Variants in PCDHGB1 observed in about 807,000 individuals in gnomAD.
PCDHGB1 encodes the protein protocadherin gamma subfamily B, 1.
A neutral mutation model predicts 56.6 loss-of-function variants in PCDHGB1; 34 were observed. That is an observed-to-expected ratio of 0.60 (90% confidence interval 0.46 to 0.80). PCDHGB1 has a LOEUF of 0.80. Ranked by LOEUF, PCDHGB1 falls within the 30% of genes least tolerant of loss-of-function variation. The pLI is 0.00. For missense variants in PCDHGB1, 1,278 were observed against 1,204.6 expected (o/e 1.06, Z -0.90); for synonymous variants, 561 against 505.9 (o/e 1.11, Z -1.46).
intron 1 of PCDHGB1, chr5:141,395,539 TG>T: frequency 9.6e-6 from 2 of 208,432 alleles, no homozygotes; most frequent in Non-Finnish European, 1.6e-5. Flanking sequence ...ATTTTGCTAT[TG>T]TTTGTGTGTG....
chr5:141,492,064 C>T (rs1562152072), intron 1 of PCDHGB1: 3 of 484,366 alleles, frequency 6.2e-6, no homozygotes, highest in Non-Finnish European at 1.1e-5. Context: ...AGCCAGCCTC[C>T]TAGGCGCCGG....
At chr5:141,384,536 T>C (rs751421323) in intron 1 of PCDHGB1, 1 of 1,614,204 alleles carries the variant, frequency 6.2e-7, no homozygotes, top group Non-Finnish European at 8.5e-7. Flanking sequence ...AGCAGCAACA[T>C]GTCACTGAGC....
intron 1 of PCDHGB1, chr5:141,418,786 TGAA>T: frequency 1.2e-6 from 2 of 1,613,854 alleles, no homozygotes; most frequent in Non-Finnish European, 8.5e-7. Flanking sequence ...CTTTGGATTT[TGAA>T]GAAGTAGAAA....
chr5:141,361,468 G>A (rs781508901), intron 1 of PCDHGB1: 5 of 1,614,008 alleles, frequency 3.1e-6, no homozygotes, highest in East Asian at 2.2e-5. Context: ...CATCTCCGAC[G>A]TCAACGATAA....
At chr5:141,364,613 C>A in intron 1 of PCDHGB1, 1 of 1,614,170 alleles carries the variant, frequency 6.2e-7, no homozygotes, top group Admixed American at 1.7e-5. Context: ...CCGGGAGGAG[C>A]TCTGCGCTCA....
chr5:141,413,684 C>T, intron 1 of PCDHGB1: 1 of 1,613,838 alleles, frequency 6.2e-7, no homozygotes, highest in Non-Finnish European at 8.5e-7. Context: ...GGCGTGAACT[C>T]CCTGCAGAGC....
In PCDHGB1 at chr5:141,413,494, G is replaced by A. The variant is rs778441176; in HGVS notation, c.2409+60825G>A. The A allele has an allele frequency of 2.5e-5, 41 of 1,613,924 alleles. No homozygotes were observed. Among genetic ancestry groups the A allele is most frequent in the Non-Finnish European group, 3.1e-5 (37 of 1,179,948 alleles). On this transcript the variant is annotated intron_variant, in intron 1 of 3. Transcript: ENST00000523390. Reference sequence around the variant, plus strand: ...GCTCTGCGCTCAGAGCGCGCGGTGCGTGGTGAGTTTTAATATCCTTGTGGA... The same window carrying A: ...GCTCTGCGCTCAGAGCGCGCGGTGCATGGTGAGTTTTAATATCCTTGTGGA...
At chr5:141,369,492 C>T (rs1183800613) in intron 1 of PCDHGB1, among the ~76,000 whole-genome samples, 1 of 151,590 alleles carries the variant, frequency 6.6e-6, no homozygotes, top group Non-Finnish European at 1.5e-5. Context: ...CATAGTGAAA[C>T]CCCACCTCTA....
chr5:141,350,934 T>C lies in PCDHGB1; in HGVS notation c.674T>C (p.Ile225Thr). The C allele has an allele frequency of 3.1e-6, 5 of 1,614,102 alleles. No individual in the cohort carries two copies. The highest frequency in any genetic ancestry group is 1.7e-5 in the Admixed American group (1 of 60,036). The change falls in exon 1 of 4, where the codon ATC (isoleucine) becomes ACC (threonine). Residue 225 changes from isoleucine (I) to threonine (T), a missense_variant. Physicochemically the swap from Ile to Thr is moderately conservative, Grantham distance 89. Transcript: ENST00000523390. Reference sequence around the variant, plus strand: ...CCGCCTCTAAGCGGCACCACCCATATCTGGATCCGAGTTACGGATGCCAAT... The same window carrying C: ...CCGCCTCTAAGCGGCACCACCCATACCTGGATCCGAGTTACGGATGCCAAT... ...GDPPLSGTTH[I>T]WIRVTDANDN... is the part of the protein sequence containing the mutation.
chr5:141,393,739 A>G (rs1589203711), intron 1 of PCDHGB1: 1 of 1,613,800 alleles, frequency 6.2e-7, no homozygotes, highest in Non-Finnish European at 8.5e-7. Flanking sequence ...AGTCTAGATT[A>G]TGAAGAATGT....
intron 1 of PCDHGB1, chr5:141,390,362 G>A: frequency 6.5e-7 from 1 of 1,533,010 alleles, no homozygotes. Flanking sequence ...ATATTTGCAG[G>A]AAAATATATA....
chr5:141,396,611 C>T (rs1310113508), intron 1 of PCDHGB1: 1 of 150,986 alleles, frequency 6.6e-6, no homozygotes, highest in Non-Finnish European at 1.5e-5. Flanking sequence ...CAGGGTGAGA[C>T]TCCGTCTCAA....
chr5:141,356,170 G>T (rs528806463), intron 1 of PCDHGB1: 1 of 1,612,922 alleles, frequency 6.2e-7, no homozygotes, highest in Non-Finnish European at 8.5e-7. Flanking sequence ...AGCCCATGAT[G>T]GGCCTGGTCT....
At chr5:141,424,080 C>T (rs2096798143) in intron 1 of PCDHGB1, 1 of 970,378 alleles carries the variant, frequency 1.0e-6, no homozygotes, top group Admixed American at 6.0e-5. Context: ...AGTTATATTC[C>T]ACCATTATTT....
At chr5:141,472,219 A>C (rs2099274667) in intron 1 of PCDHGB1, among the ~76,000 whole-genome samples, 1 of 152,210 alleles carries the variant, frequency 6.6e-6, no homozygotes, top group Non-Finnish European at 1.5e-5. Context: ...CTTACTCTCG[A>C]TCATATAATA....
At chr5:141,395,525 G>T in intron 1 of PCDHGB1, 1 of 384,022 alleles carries the variant, frequency 2.6e-6, no homozygotes, top group Non-Finnish European at 4.6e-6. Context: ...CGTCCATACT[G>T]GTAATTTTGC....
At chr5:141,410,394 T>C in intron 1 of PCDHGB1, 1 of 1,614,054 alleles carries the variant, frequency 6.2e-7, no homozygotes, top group Non-Finnish European at 8.5e-7. Context: ...CATCCTGGTC[T>C]CTGTGTCAAG....
chr5:141,383,611 C>A lies in PCDHGB1; in HGVS notation c.2409+30942C>A, dbSNP rs757490099. ...GGTGACAGTGGTGGATGTGAATGAC[C>A]ACACGCCTGTCTTCTCTCTGCCTCA... On this transcript the variant is annotated intron_variant, in intron 1 of 3. Coordinates refer to ENST00000523390, the MANE Select transcript of PCDHGB1 (RefSeq NM_018922.3). 8 of 1,613,656 alleles carry A rather than the reference C, an allele frequency of 5.0e-6. No individual in the cohort carries two copies. The Admixed American group carries it at 1.3e-4, about 27-fold the overall frequency.
At chr5:141,362,208 C>G in intron 1 of PCDHGB1, 1 of 1,614,074 alleles carries the variant, frequency 6.2e-7, no homozygotes, top group East Asian at 2.2e-5. Context: ...TGCAGTTTTA[C>G]CTGGTTGTGG....
Sources: allele counts gnomAD v4.1 joint callset (sites outside exome capture counted in the v4.1 genomes callset), GRCh38; gene constraint gnomAD v4.1.1; transcripts MANE v1.5; gene names NCBI Gene and HGNC (gene_info 2026-07-23, HGNC 2026-07-21).